Variants in RNF185 observed in about 807,000 individuals in gnomAD.
RNF185 encodes the protein E3 ubiquitin-protein ligase RNF185.
A neutral mutation model predicts 24.9 loss-of-function variants in RNF185; 13 were observed. The observed-to-expected ratio is 0.52, with a 90% CI of 0.34 to 0.83. The LOEUF is 0.83. RNF185 is among the 40% of genes least tolerant of loss of function. RNF185 has a pLI of 0.01. For synonymous variants in RNF185, 79 were observed against 90.3 expected (o/e 0.88, Z 0.71); for missense variants, 184 against 244.7 (o/e 0.75, Z 1.65).
chr22:31,197,578 C>A (rs879525333), intron 5 of RNF185, among the ~76,000 whole-genome samples: 22 of 152,320 alleles, frequency 1.4e-4, no homozygotes, highest in Non-Finnish European at 2.5e-4. Context: ...TAGGATAAGA[C>A]AGGGTCTCAC....
In RNF185 at chr22:31,182,068, C is replaced by A. The variant is rs530901888; in HGVS notation, c.-48-4979C>A. On this transcript the variant is annotated intron_variant, in intron 1 of 6. Coordinates refer to ENST00000326132, the MANE Select transcript of RNF185 (RefSeq NM_152267.4). ...ATCAGGTTTTGTTTAAAAAAAAAAA[C>A]ACAATATCATTATTATACCCAACAA... Among the ~76,000 whole-genome samples, 41 of 143,102 alleles carry A rather than the reference C, an allele frequency of 2.9e-4. No homozygotes were observed. In the South Asian group the frequency reaches 5.2e-3, roughly 18 times the overall value. The allele number at this position is 143,102 out of a possible 152,430, so 93.9% of individuals were successfully genotyped here. A position where few individuals can be genotyped will look rare whatever the true frequency, so the allele number is the denominator to read the frequency against.
At chr22:31,192,132 C>T (rs968016736) in intron 2 of RNF185, among the ~76,000 whole-genome samples, 1 of 152,086 alleles carries the variant, frequency 6.6e-6, no homozygotes, top group African/African-American at 2.4e-5. Flanking sequence ...AAGCTGCTTC[C>T]TGCTAGGAGA....
intron 3 of RNF185, among the ~76,000 whole-genome samples, chr22:31,193,424 G>A (rs1371491376): frequency 2.0e-5 from 3 of 152,164 alleles, no homozygotes; most frequent in African/African-American, 7.2e-5. Flanking sequence ...AACAGTAAGA[G>A]TAGTAAATAA....
chr22:31,170,657 T>C (rs1210871449), intron 1 of RNF185, among the ~76,000 whole-genome samples: 1 of 151,950 alleles, frequency 6.6e-6, no homozygotes, highest in Non-Finnish European at 1.5e-5. Context: ...ATTACAGACA[T>C]GTGCCACCAC....
intron 2 of RNF185, among the ~76,000 whole-genome samples, chr22:31,189,815 C>T (rs1294427724): frequency 1.3e-5 from 2 of 151,726 alleles, no homozygotes; most frequent in Non-Finnish European, 2.9e-5. Context: ...AGGATGGTCT[C>T]GATCTTCTGA....
chr22:31,171,427 C>T (rs111227051), intron 1 of RNF185, among the ~76,000 whole-genome samples: 24 of 151,764 alleles, frequency 1.6e-4, no homozygotes, highest in African/African-American at 2.2e-4. Context: ...GCGATCCACC[C>T]GCCTTGGCCT....
intron 1 of RNF185, among the ~76,000 whole-genome samples, chr22:31,171,719 A>G (rs957302097): frequency 6.6e-5 from 10 of 152,212 alleles, no homozygotes; most frequent in African/African-American, 2.2e-4. Context: ...CTGTAATCCC[A>G]GCACTTTGGG....
intron 3 of RNF185, among the ~76,000 whole-genome samples, 199 bp downstream of exon 3, chr22:31,192,901 G>C (rs931832187): frequency 6.6e-6 from 1 of 152,216 alleles, no homozygotes; most frequent in African/African-American, 2.4e-5. Flanking sequence ...TTCTGCCACA[G>C]AGGGCCTTTT....
At chr22:31,176,004 C>T (rs1385956649) in intron 1 of RNF185, among the ~76,000 whole-genome samples, 5 of 152,130 alleles carry the variant, frequency 3.3e-5, no homozygotes, top group African/African-American at 1.2e-4. Flanking sequence ...CTCAACCAAT[C>T]CTCCCATCTT....
At chr22:31,162,543 C>T (rs1174659265) in intron 1 of RNF185, among the ~76,000 whole-genome samples, 1 of 151,880 alleles carries the variant, frequency 6.6e-6, no homozygotes, top group Non-Finnish European at 1.5e-5. Context: ...ACTGAGAGGT[C>T]CTGCAATAAG....
At chr22:31,195,287 C>T (rs145807607) in intron 3 of RNF185, among the ~76,000 whole-genome samples, 182 bp from the exon 4 acceptor site, 1 of 152,292 alleles carries the variant, frequency 6.6e-6, no homozygotes, top group South Asian at 2.1e-4. Flanking sequence ...TTTGATTTTA[C>T]CACTGGTAGG....
intron 1 of RNF185, among the ~76,000 whole-genome samples, chr22:31,172,673 C>T (rs2047941646): frequency 7.1e-6 from 1 of 140,418 alleles, no homozygotes. Context: ...CACTTGAACC[C>T]AGGAAGCAGA....
intron 1 of RNF185, among the ~76,000 whole-genome samples, chr22:31,181,066 A>T (rs574436926): frequency 1.3e-5 from 2 of 152,192 alleles, no homozygotes; most frequent in South Asian, 2.1e-4. Context: ...TAATCTTTTT[A>T]AAAAATACCT....
intron 1 of RNF185, among the ~76,000 whole-genome samples, chr22:31,174,989 C>T (rs1449105704): frequency 1.3e-5 from 2 of 151,508 alleles, no homozygotes; most frequent in African/African-American, 4.9e-5. Flanking sequence ...GGGAGGATCG[C>T]TTGAACCCAG....
intron 1 of RNF185, among the ~76,000 whole-genome samples, chr22:31,184,731 C>T (rs569803702): frequency 4.6e-5 from 7 of 152,314 alleles, no homozygotes; most frequent in South Asian, 4.1e-4. Context: ...CCGGCCAACA[C>T]GGCAAAACCC....
chr22:31,167,467 T>G (rs1923997167), intron 1 of RNF185, among the ~76,000 whole-genome samples: 1 of 152,086 alleles, frequency 6.6e-6, no homozygotes, highest in African/African-American at 2.4e-5. Flanking sequence ...TAACTCCTCA[T>G]TCTCTCCTCC....
chr22:31,170,584 C>A (rs1415396098), intron 1 of RNF185, among the ~76,000 whole-genome samples: 6 of 152,076 alleles, frequency 3.9e-5, no homozygotes, highest in Non-Finnish European at 5.9e-5. Context: ...GATCTCAGCT[C>A]ACTGCAACCT....
chr22:31,187,021 A>G (rs5997902), intron 1 of RNF185, 26 bp from the exon 2 acceptor site: 1,073,420 of 1,458,300 alleles, frequency 0.74, 398,580 homozygotes, highest in African/African-American at 0.94. Flanking sequence ...GCAGAAATGG[A>G]CAGTCAAGAG....
rs1225344232 is a variant in RNF185, at chr22:31,202,769, C to T, written c.481+1154C>T. 8.5e-5 allele frequency among the ~76,000 whole-genome samples: 13 copies of T among 152,122 alleles called. 1 individual carries two copies. Among genetic ancestry groups the T allele is most frequent in the Non-Finnish European group, 7.4e-5 (5 of 67,980 alleles). On this transcript the variant is annotated intron_variant, in intron 6 of 6. Coordinates refer to ENST00000326132, the MANE Select transcript of RNF185 (RefSeq NM_152267.4). ...CTGGGACTACAGGCGCCTGCCACCA[C>T]GCCTGGCTAATTTTTTTGTATTTTT...
Sources: allele counts gnomAD v4.1 joint callset (sites outside exome capture counted in the v4.1 genomes callset), GRCh38; gene constraint gnomAD v4.1.1; transcripts MANE v1.5; gene names NCBI Gene and HGNC (gene_info 2026-07-23, HGNC 2026-07-21).